PSMA3: variants seen among roughly 807,000 people sequenced by gnomAD.
PSMA3 encodes proteasome subunit alpha type-3.
In PSMA3, 8 loss-of-function variants were observed where a neutral mutation model predicts 40.0. The observed-to-expected ratio is 0.20, with a 90% CI of 0.12 to 0.36. The LOEUF is 0.36. Among genes scored for constraint, PSMA3 ranks in the 10% least tolerant of loss-of-function variants. PSMA3 has a pLI of 1.00. For missense variants in PSMA3, 219 were observed against 310.6 expected, an observed-to-expected ratio of 0.70 and a Z score of 2.22; for synonymous variants, 110 against 100.0, an observed-to-expected ratio of 1.10 and a Z score of -0.59.
chr14:58,246,323 A>G (rs754180481), intron 1 of PSMA3, among the ~76,000 whole-genome samples: 3 of 152,214 alleles, frequency 2.0e-5, no homozygotes, highest in Admixed American at 6.5e-5. Flanking sequence ...GAATGGTCAT[A>G]TGAAAAAATC....
Position 58,263,692 on chromosome 14 carries a change from T to A in PSMA3, c.478-13T>A. ...TACTAATTCAGTGATTATATATATT[T>A]TTTTCTAAATAGGGTTATTGGGGCT... is the stretch of plus-strand genomic sequence containing the variant. On this transcript the variant is annotated splice_polypyrimidine_tract_variant and intron_variant, in intron 6 of 10. Transcript: ENST00000216455. 1.2e-6 allele frequency: 2 copies of A among 1,605,112 alleles called. No homozygotes were observed. Among genetic ancestry groups the A allele is most frequent in the Non-Finnish European group, 1.7e-6 (2 of 1,172,616 alleles).
intron 8 of PSMA3, among the ~76,000 whole-genome samples, chr14:58,269,278 CCTT>C (rs755383222): frequency 2.6e-5 from 4 of 151,938 alleles, no homozygotes; most frequent in Admixed American, 2.0e-4. Context: ...GACAGTGCCT[CCTT>C]CTTTGCTGTA....
chr14:58,250,493 T>C (rs2140080455), intron 2 of PSMA3, among the ~76,000 whole-genome samples: 1 of 152,238 alleles, frequency 6.6e-6, no homozygotes, highest in East Asian at 1.9e-4. Flanking sequence ...GACAGTGAGG[T>C]AACCAGTAGA....
At chr14:58,256,849 C>A (rs1040792088) in intron 3 of PSMA3, among the ~76,000 whole-genome samples, 5 of 151,022 alleles carry the variant, frequency 3.3e-5, no homozygotes, top group African/African-American at 1.2e-4. Flanking sequence ...CCGGGCACGG[C>A]GGCTCACACC....
chr14:58,250,538 A>G (rs28497745), intron 2 of PSMA3, among the ~76,000 whole-genome samples: 5,683 of 152,292 alleles, frequency 0.037, 340 homozygotes, highest in African/African-American at 0.13. Context: ...GAATATGCTC[A>G]GGGGGTTCTG....
intron 5 of PSMA3, among the ~76,000 whole-genome samples, chr14:58,260,687 T>G (rs1247829618): frequency 6.6e-6 from 1 of 152,198 alleles, no homozygotes; most frequent in Non-Finnish European, 1.5e-5. Flanking sequence ...CTATCGTTAC[T>G]CCTTTCCCTG....
intron 5 of PSMA3, among the ~76,000 whole-genome samples, 198 bp from the exon 6 acceptor site, chr14:58,260,750 C>T (rs1890258588): frequency 6.6e-6 from 1 of 152,138 alleles, no homozygotes; most frequent in Non-Finnish European, 1.5e-5. Flanking sequence ...ACTAAACAAA[C>T]AAAAGCTACA....
intron 1 of PSMA3, chr14:58,245,195 C>T: frequency 1.9e-6 from 1 of 526,412 alleles, no homozygotes; most frequent in East Asian, 3.0e-5. Flanking sequence ...AGGTTTGGAG[C>T]CGCTTTGGAT....
chr14:58,270,837 A>G, intron 9 of PSMA3, 97 bp from the exon 10 acceptor site: 1 of 1,031,616 alleles, frequency 9.7e-7, no homozygotes, highest in Non-Finnish European at 1.4e-6. Flanking sequence ...ACCTTAGGTG[A>G]GTCAGATATG....
Position 58,271,917 on chromosome 14 carries a change from T to A in PSMA3, c.*22T>A. On this transcript the variant is annotated 3_prime_UTR_variant, in exon 11 of 11. Transcript: ENST00000216455. Reference sequence around the variant, plus strand: ...GTAACATTTACTCCAGCATCTATTGTATTTTAAATTTCTACTCCAGTCCAA... The same window carrying A: ...GTAACATTTACTCCAGCATCTATTGAATTTTAAATTTCTACTCCAGTCCAA... 6.5e-7 allele frequency: 1 copy of A among 1,530,854 alleles called. No individual in the cohort carries two copies. The highest frequency in any genetic ancestry group is 9.0e-7 in the Non-Finnish European group (1 of 1,105,738). 94.8% of individuals were successfully genotyped at this position (1,530,854 alleles called of 1,614,324 possible). A position where few individuals can be genotyped will look rare whatever the true frequency, so the allele number is the denominator to read the frequency against.
At chr14:58,259,261 T>C (rs1044995660) in intron 5 of PSMA3, among the ~76,000 whole-genome samples, 1 of 152,188 alleles carries the variant, frequency 6.6e-6, no homozygotes, top group African/African-American at 2.4e-5. Context: ...TTCTCTACTC[T>C]TTTTAAGGGA....
chr14:58,255,044 A>G (rs906660393), intron 3 of PSMA3, among the ~76,000 whole-genome samples: 1 of 152,162 alleles, frequency 6.6e-6, no homozygotes, highest in East Asian at 1.9e-4. Context: ...GAGGGTTTCA[A>G]AAACTTGGTT....
chr14:58,250,032 A>G (rs1889972041), intron 2 of PSMA3, among the ~76,000 whole-genome samples: 1 of 149,770 alleles, frequency 6.7e-6, no homozygotes, highest in Non-Finnish European at 1.5e-5. Flanking sequence ...CAGCCTGGGC[A>G]ACATGGTGAA....
chr14:58,266,616 A>G (rs1375414644), intron 7 of PSMA3: 1 of 152,204 alleles, frequency 6.6e-6, no homozygotes. Flanking sequence ...AATTTGGAAA[A>G]AAGTTTTTGG....
intron 9 of PSMA3, 150 bp downstream of exon 9, chr14:58,270,635 G>T: frequency 7.2e-7 from 1 of 1,395,382 alleles, no homozygotes; most frequent in Non-Finnish European, 9.6e-7. Context: ...ATTGACTTAA[G>T]TTGTGAACAC....
intron 6 of PSMA3, 24 bp from the exon 7 acceptor site, chr14:58,263,681 T>C: frequency 6.3e-7 from 1 of 1,574,810 alleles, no homozygotes; most frequent in African/African-American, 1.4e-5. Context: ...AATTCAGTGA[T>C]TATATATATT....
chr14:58,264,192 C>T (rs1183666689), intron 7 of PSMA3, among the ~76,000 whole-genome samples: 2 of 152,118 alleles, frequency 1.3e-5, no homozygotes, highest in East Asian at 1.9e-4. Context: ...ATCCTTGAAA[C>T]CTATTTATGA....
At position 58,271,255 on chromosome 14, in the gene PSMA3, CAA is replaced by C. The variant is rs35375876; in HGVS notation, c.723+268_723+269del. Reference sequence around the variant, plus strand: ...CTAGTGGGTAAAGTTGCCTTGGTTCCAAAAAAAAAAAACTTGGGAGGTTTAGA... The same window carrying C: ...CTAGTGGGTAAAGTTGCCTTGGTTCCAAAAAAAAAACTTGGGAGGTTTAGA... On this transcript the variant is annotated intron_variant, in intron 10 of 10. Coordinates refer to ENST00000216455, the MANE Select transcript of PSMA3 (RefSeq NM_002788.4). Among the ~76,000 whole-genome samples, 30 of 138,524 alleles carry C rather than the reference CAA, an allele frequency of 2.2e-4. 1 individual carries two copies. The highest frequency in any genetic ancestry group is 7.9e-4 in the African/African-American group (29 of 36,880). 90.9% of individuals were successfully genotyped at this position (138,524 alleles called of 152,430 possible). A position where few individuals can be genotyped will look rare whatever the true frequency, so the allele number is the denominator to read the frequency against.
Position 58,263,696 on chromosome 14 carries a change from T to C in PSMA3, c.478-9T>C. 1 of 1,608,534 alleles carries C rather than the reference T, an allele frequency of 6.2e-7. No individual in the cohort carries two copies. Among genetic ancestry groups the C allele is most frequent in the Non-Finnish European group, 8.5e-7 (1 of 1,175,694 alleles). ...AATTCAGTGATTATATATATTTTTT[T>C]CTAAATAGGGTTATTGGGGCTGTGC... On this transcript the variant is annotated splice_polypyrimidine_tract_variant and intron_variant, in intron 6 of 10. Transcript: ENST00000216455.
Sources: gnomAD v4.1 joint callset for allele counts (sites outside exome capture counted in the v4.1 genomes callset) on GRCh38, gnomAD v4.1.1 for gene constraint, MANE v1.5 for transcripts, NCBI Gene and HGNC (gene_info 2026-07-23, HGNC 2026-07-21) for gene names.